The following KHDRBS2 variants were observed in gnomAD, a reference collection of about 807,000 sequenced individuals.
KHDRBS2 encodes the protein KH domain-containing, RNA-binding, signal transduction-associated protein 2.
KHDRBS2 carries 26 observed loss-of-function variants against 44.3 expected under a neutral mutation model. The ratio of observed to expected loss-of-function variants is 0.59; its 90% CI spans 0.43 to 0.81. KHDRBS2 has a LOEUF of 0.81. Among genes scored for constraint, KHDRBS2 ranks in the 40% least tolerant of loss-of-function variants. KHDRBS2 has a pLI of 0.00. For missense variants in KHDRBS2, 476 were observed against 433.1 expected (o/e 1.10, Z -0.88); for synonymous variants, 194 against 151.1 (o/e 1.28, Z -2.08).
Position 62,251,840 on chromosome 6 carries a change from T to C in KHDRBS2, c.91+34018A>G, listed in dbSNP as rs546836973. Reference sequence around the variant, plus strand: ...AAGCCTCACATTTTTACTTAAAATTTGCTATTATTAAAAAATAGTAAATGT... The same window carrying C: ...AAGCCTCACATTTTTACTTAAAATTCGCTATTATTAAAAAATAGTAAATGT... On this transcript the variant is annotated intron_variant, in intron 1 of 8. Transcript: ENST00000281156. 2.7e-3 allele frequency among the ~76,000 whole-genome samples: 386 copies of C among 145,062 alleles called. 3 individuals carry two copies. The highest frequency in any genetic ancestry group is 9.5e-3 in the African/African-American group (352 of 37,126).
At chr6:61,945,150 T>TATATATATATATATATATACACAC (rs371595813) in intron 4 of KHDRBS2, among the ~76,000 whole-genome samples, 1 of 87,010 alleles carries the variant, frequency 1.1e-5, no homozygotes, top group Non-Finnish European at 2.3e-5. Context: ...TATATATATA[T>TATATATATATATATATATACACAC]ACACACAGAC....
intron 6 of KHDRBS2, among the ~76,000 whole-genome samples, chr6:61,800,089 A>T (rs187052490): frequency 6.6e-6 from 1 of 152,112 alleles, no homozygotes; most frequent in Non-Finnish European, 1.5e-5. Flanking sequence ...GGTAAAATTT[A>T]ATTCTGAATT....
the KHDRBS2 span, among the ~76,000 whole-genome samples, chr6:61,662,569 C>A: frequency 2.0e-5 from 3 of 151,988 alleles, no homozygotes; most frequent in African/African-American, 7.3e-5. Context: ...AACAAACAAC[C>A]CCATCAACAA....
chr6:61,950,267 G>A (rs552030251), intron 4 of KHDRBS2, among the ~76,000 whole-genome samples: 1 of 152,154 alleles, frequency 6.6e-6, no homozygotes, highest in African/African-American at 2.4e-5. Context: ...AACAGTAAGT[G>A]CTGATGCTGA....
chr6:62,184,080 A>AAT (rs1452597634), intron 1 of KHDRBS2, among the ~76,000 whole-genome samples: 3 of 151,760 alleles, frequency 2.0e-5, no homozygotes, highest in African/African-American at 7.2e-5. Flanking sequence ...AACTTTTAAT[A>AAT]ATTAGTGTTA....
At chr6:61,634,510 C>A in the KHDRBS2 span, among the ~76,000 whole-genome samples, 1 of 144,922 alleles carries the variant, frequency 6.9e-6, no homozygotes, top group South Asian at 2.2e-4. Flanking sequence ...CATTGTCTTT[C>A]CCTGTCCTAA....
chr6:62,085,784 A>G (rs1798265918), intron 2 of KHDRBS2, among the ~76,000 whole-genome samples: 1 of 152,138 alleles, frequency 6.6e-6, no homozygotes, highest in Admixed American at 6.6e-5. Context: ...AGACTGCAGA[A>G]TCATAGAATG....
At chr6:61,970,705 C>T (rs775291707) in intron 4 of KHDRBS2, among the ~76,000 whole-genome samples, 1 of 152,118 alleles carries the variant, frequency 6.6e-6, no homozygotes, top group Non-Finnish European at 1.5e-5. Flanking sequence ...CTCAAACCAA[C>T]AAGGCCAACT....
chr6:61,609,734 A>C, the KHDRBS2 span, among the ~76,000 whole-genome samples: 1 of 152,206 alleles, frequency 6.6e-6, no homozygotes, highest in South Asian at 2.1e-4. Flanking sequence ...GAAGTCATAT[A>C]AATAATCCTT....
At chr6:62,140,289 G>A (rs1812517117) in intron 2 of KHDRBS2, among the ~76,000 whole-genome samples, 2 of 152,136 alleles carry the variant, frequency 1.3e-5, no homozygotes, top group Admixed American at 1.3e-4. Context: ...AAGAGATGAG[G>A]CAGAAGAGCT....
intron 1 of KHDRBS2, among the ~76,000 whole-genome samples, chr6:62,257,908 C>T (rs1042831889): frequency 2.6e-5 from 4 of 151,970 alleles, no homozygotes; most frequent in African/African-American, 4.8e-5. Context: ...CTCTCTACGA[C>T]GACCCAGCTT....
chr6:61,965,883 A>G lies in KHDRBS2; in HGVS notation c.483+12183T>C, dbSNP rs533786621. On this transcript the variant is annotated intron_variant, in intron 4 of 8. Coordinates refer to ENST00000281156, the MANE Select transcript of KHDRBS2 (RefSeq NM_152688.4). ...CTGCAATAAGTTAATTTAAAATATA[A>G]TAGACATTCCACAGTCAAGTTTCCT... 1.6e-3 allele frequency among the ~76,000 whole-genome samples: 241 copies of G among 152,152 alleles called. 8 individuals carry two copies. The South Asian group carries it at 0.046, about 29-fold the overall frequency.
At position 62,075,281 on chromosome 6, in the gene KHDRBS2, C is replaced by A. The variant is rs774199064; in HGVS notation, c.220-27287G>T. On this transcript the variant is annotated intron_variant, in intron 2 of 8. Coordinates refer to ENST00000281156, the MANE Select transcript of KHDRBS2 (RefSeq NM_152688.4). ...AAGAGGCCTGAGGAAGCTTGTTCACCCCCTCCACCATGTGAGGACACAGAA... is the reference window on the plus strand; with the variant it reads ...AAGAGGCCTGAGGAAGCTTGTTCACACCCTCCACCATGTGAGGACACAGAA... Among the ~76,000 whole-genome samples the A allele has an allele frequency of 3.3e-5, 5 of 151,784 alleles. No homozygotes were observed. The South Asian group carries it at 6.2e-4, about 19-fold the overall frequency.
chr6:61,835,362 T>C (rs1792480052), intron 6 of KHDRBS2, among the ~76,000 whole-genome samples: 1 of 152,078 alleles, frequency 6.6e-6, no homozygotes, highest in South Asian at 2.1e-4. Flanking sequence ...TGAGTAAGTG[T>C]CAGAGGGTCT....
At chr6:61,764,442 T>C (rs1779707415) in intron 6 of KHDRBS2, among the ~76,000 whole-genome samples, 1 of 152,128 alleles carries the variant, frequency 6.6e-6, no homozygotes, top group African/African-American at 2.4e-5. Flanking sequence ...ATTAGGTTGG[T>C]GCAAAATAAT....
chr6:61,696,370 C>T (rs540044020), intron 8 of KHDRBS2, among the ~76,000 whole-genome samples: 1 of 152,100 alleles, frequency 6.6e-6, no homozygotes, highest in Middle Eastern at 3.4e-3. Context: ...ATTCTCTTGC[C>T]TCAGCCTCCC....
chr6:61,940,628 G>A (rs1290011737), intron 4 of KHDRBS2, among the ~76,000 whole-genome samples: 1 of 152,128 alleles, frequency 6.6e-6, no homozygotes, highest in East Asian at 1.9e-4. Context: ...AGCTCAATCA[G>A]CTATAGCAAG....
intron 6 of KHDRBS2, chr6:61,814,041 A>G (rs1198855292): frequency 2.2e-6 from 1 of 455,980 alleles, no homozygotes; most frequent in Non-Finnish European, 4.4e-6. Context: ...AATGAAATAA[A>G]GCAACATATT....
At chr6:62,236,288 T>C (rs1833696110) in intron 1 of KHDRBS2, among the ~76,000 whole-genome samples, 1 of 151,974 alleles carries the variant, frequency 6.6e-6, no homozygotes, top group Non-Finnish European at 1.5e-5. Flanking sequence ...TTCAGATTAA[T>C]CAATAAATAT....
Sources: allele counts gnomAD v4.1 joint callset (sites outside exome capture counted in the v4.1 genomes callset), GRCh38; gene constraint gnomAD v4.1.1; transcripts MANE v1.5; gene names NCBI Gene and HGNC (gene_info 2026-07-23, HGNC 2026-07-21).